The following AHNAK variants were observed in gnomAD, a reference collection of about 807,000 sequenced individuals.
The protein encoded by AHNAK is neuroblast differentiation-associated protein AHNAK.
A neutral mutation model predicts 37.8 loss-of-function variants in AHNAK; 23 were observed. That is an observed-to-expected ratio of 0.61 (90% CI 0.44 to 0.86). The LOEUF (loss-of-function observed/expected upper bound fraction) is 0.86, where lower values mean the gene tolerates loss of function less well. Ranked by LOEUF, AHNAK falls within the 40% of genes least tolerant of loss-of-function variation. The probability of loss-of-function intolerance (pLI) is 0.00; values close to 1 mark genes in which losing one functional copy is unlikely to be tolerated. For synonymous variants in AHNAK, 2,481 were observed against 2,636.3 expected (o/e 0.94, Z 1.80); for missense variants, 7,411 against 7,319.4 (o/e 1.01, Z -0.46).
At chr11:62,488,878 G>A (rs1358510712) in intron 5 of AHNAK, among the ~76,000 whole-genome samples, 1 of 152,114 alleles carries the variant, frequency 6.6e-6, no homozygotes, top group Non-Finnish European at 1.5e-5. Context: ...GGAGGCTCAG[G>A]TGGGCCTGGA....
chr11:62,523,344 C>T lies in AHNAK; in HGVS notation c.11073G>A (p.Val3691=), dbSNP rs367658792. 31 of 1,612,954 alleles carry T rather than the reference C, an allele frequency of 1.9e-5. No individual in the cohort carries two copies. In the African/African-American group the frequency reaches 3.9e-4, roughly 20 times the overall value. ...GATCACCTTCCACTTTGGGCAAAGA[C>T]ACAACCACATCACCCTTCATTTTGG... is the stretch of plus-strand genomic sequence containing the variant. ...KGPKMKGDVV[V]SLPKVEGDLK... The change falls in exon 5 of 5, where the codon GTG becomes GTA. Residue 3691 remains valine (V), a synonymous_variant. Coordinates refer to ENST00000378024, the MANE Select transcript of AHNAK (RefSeq NM_001620.3).
intron 5 of AHNAK, among the ~76,000 whole-genome samples, chr11:62,470,318 C>CAT (rs1939008203): frequency 6.6e-6 from 1 of 152,072 alleles, no homozygotes; most frequent in South Asian, 2.1e-4. Context: ...TGGTGGCATG[C>CAT]GCCTGTAATC....
exon 6 of AHNAK, chr11:62,433,850 C>T: frequency 1.2e-6 from 2 of 1,613,824 alleles, no homozygotes; most frequent in South Asian, 1.1e-5. Context: ...ACAAAAACAA[C>T]CTTAAGAGGG....
chr11:62,470,756 C>T (rs73498073), intron 5 of AHNAK, among the ~76,000 whole-genome samples: 4,350 of 152,106 alleles, frequency 0.029, 223 homozygotes, highest in African/African-American at 0.1. Flanking sequence ...ATGACTTCCA[C>T]CAGATCATCA....
At chr11:62,492,369 A>C (rs1939518400) in intron 4 of AHNAK, among the ~76,000 whole-genome samples, 1 of 152,104 alleles carries the variant, frequency 6.6e-6, no homozygotes, top group African/African-American at 2.4e-5. Context: ...GTAGATCTCC[A>C]ATCAGAGGTC....
At chr11:62,507,545 C>T (rs542396686) in intron 4 of AHNAK, among the ~76,000 whole-genome samples, 1 of 152,150 alleles carries the variant, frequency 6.6e-6, no homozygotes. Context: ...AATCCCAGCA[C>T]TTTGGGAGGC....
At chr11:62,448,966 G>T (rs983110848) in intron 5 of AHNAK, among the ~76,000 whole-genome samples, 2 of 152,140 alleles carry the variant, frequency 1.3e-5, no homozygotes, top group South Asian at 4.1e-4. Context: ...TACTCGGGAG[G>T]CTGAGGCAGG....
chr11:62,440,268 G>C (rs967008972), intron 5 of AHNAK, among the ~76,000 whole-genome samples: 1 of 152,116 alleles, frequency 6.6e-6, no homozygotes, highest in Non-Finnish European at 1.5e-5. Flanking sequence ...ATGAGGAAAC[G>C]ACACTGAGAG....
chr11:62,481,860 T>C (rs1181418165), intron 5 of AHNAK, among the ~76,000 whole-genome samples: 1 of 151,746 alleles, frequency 6.6e-6, no homozygotes, highest in African/African-American at 2.4e-5. Context: ...CCACCGCGCC[T>C]GGCCCTTCAA....
intron 1 of AHNAK, among the ~76,000 whole-genome samples, chr11:62,545,399 G>A (rs1941274878): frequency 6.6e-6 from 1 of 152,216 alleles, no homozygotes; most frequent in Admixed American, 6.5e-5. Flanking sequence ...GGCCCCTGGA[G>A]TCCCTCATGG....
At chr11:62,485,634 A>T (rs1243800610) in intron 5 of AHNAK, among the ~76,000 whole-genome samples, 1 of 145,960 alleles carries the variant, frequency 6.9e-6, no homozygotes, top group Admixed American at 6.8e-5. Context: ...CCTGGGAGGC[A>T]GAGGTTACAG....
At chr11:62,446,224 G>A (rs762811309) in intron 5 of AHNAK, among the ~76,000 whole-genome samples, 6 of 152,188 alleles carry the variant, frequency 3.9e-5, no homozygotes, top group Admixed American at 6.5e-5. Flanking sequence ...CTCGGAGGGC[G>A]CCAAAGAAGC....
intron 4 of AHNAK, among the ~76,000 whole-genome samples, chr11:62,510,133 C>T (rs1052154589): frequency 1.3e-5 from 2 of 151,888 alleles, no homozygotes; most frequent in East Asian, 2.0e-4. Context: ...TCTCAGCTCA[C>T]TGCAACCTCC....
downstream of AHNAK, among the ~76,000 whole-genome samples, chr11:62,515,714 C>T (rs566668078): frequency 6.6e-6 from 1 of 152,218 alleles, no homozygotes; most frequent in Non-Finnish European, 1.5e-5. Context: ...AGCAATGGCA[C>T]AACCAGCCTC....
chr11:62,465,046 C>A (rs1034154754), intron 5 of AHNAK, among the ~76,000 whole-genome samples: 2 of 152,214 alleles, frequency 1.3e-5, no homozygotes, highest in Non-Finnish European at 2.9e-5. Context: ...CTGTTCCTCC[C>A]GTTTCCTTTG....
rs946799761 is a variant in AHNAK, at chr11:62,522,896, C to T, written c.11521G>A (p.Asp3841Asn). Reference protein sequence around the residue: ...ADLDVSGPKVDIDVPDVNIEG... With the variant: ...ADLDVSGPKVNIDVPDVNIEG... ...ATATTCACATCTGGAACATCAATGTCCACCTTGGGTCCTGAGACATCAAGG... is the reference window on the plus strand; with the variant it reads ...ATATTCACATCTGGAACATCAATGTTCACCTTGGGTCCTGAGACATCAAGG... Residue 3841 changes from aspartate to asparagine, a missense_variant, in exon 5 of 5, where the codon GAC (aspartate) becomes AAC (asparagine). Physicochemically the swap from Asp to Asn is conservative, Grantham distance 23. Transcript: ENST00000378024. The T allele has an allele frequency of 2.5e-5, 41 of 1,613,174 alleles. No individual in the cohort carries two copies. Among genetic ancestry groups the T allele is most frequent in the Non-Finnish European group, 3.1e-5 (37 of 1,179,908 alleles).
chr11:62,532,400 A>G lies in AHNAK; in HGVS notation c.2017T>C (p.Leu673=), dbSNP rs538684241. 1 of 1,614,004 alleles carries G rather than the reference A, an allele frequency of 6.2e-7. No individual in the cohort carries two copies. The highest frequency in any genetic ancestry group is 2.2e-5 in the East Asian group (1 of 44,856). ...KVNVEAPDVN[L]EGLGGKLKGP... is the part of the protein sequence containing the mutation. The stretch of plus-strand genomic sequence containing the variant: ...TTAAGTTTTCCCCCCAGACCCTCCA[A>G]GTTGACATCTGGGGCTTCCACATTG... The change falls in exon 5 of 5, where the codon TTG becomes CTG. Residue 673 remains leucine, a synonymous_variant. Coordinates refer to ENST00000378024, the MANE Select transcript of AHNAK (RefSeq NM_001620.3).
At chr11:62,457,789 G>A (rs149508165) in intron 5 of AHNAK, among the ~76,000 whole-genome samples, 1 of 152,200 alleles carries the variant, frequency 6.6e-6, no homozygotes, top group Non-Finnish European at 1.5e-5. Context: ...GAGAGAGGAG[G>A]GAGGAATGGG....
At chr11:62,542,719 C>G (rs1341293105) in intron 1 of AHNAK, among the ~76,000 whole-genome samples, 1 of 152,212 alleles carries the variant, frequency 6.6e-6, no homozygotes, top group East Asian at 1.9e-4. Flanking sequence ...AGCCTATGAT[C>G]CAGTGGGGAG....
Sources: allele counts gnomAD v4.1 joint callset (sites outside exome capture counted in the v4.1 genomes callset), GRCh38; gene constraint gnomAD v4.1.1; transcripts MANE v1.5; gene names NCBI Gene and HGNC (gene_info 2026-07-23, HGNC 2026-07-21).